KHDRBS2: variants seen among roughly 807,000 people sequenced by gnomAD.
KHDRBS2 encodes KH domain-containing, RNA-binding, signal transduction-associated protein 2.
In KHDRBS2, 26 loss-of-function variants were observed where a neutral mutation model predicts 44.3. That is an observed-to-expected ratio of 0.59 (90% CI 0.43 to 0.81). The LOEUF is 0.81. Ranked by LOEUF, KHDRBS2 falls within the 40% of genes least tolerant of loss-of-function variation. KHDRBS2 has a pLI of 0.00. For missense variants in KHDRBS2, 476 were observed against 433.1 expected (o/e 1.10, Z -0.88); for synonymous variants, 194 against 151.1 (o/e 1.28, Z -2.08).
chr6:62,073,093 TA>T (rs751936121), intron 2 of KHDRBS2, among the ~76,000 whole-genome samples: 9 of 152,050 alleles, frequency 5.9e-5, no homozygotes, highest in African/African-American at 1.2e-4. Flanking sequence ...TCGAGGAATT[TA>T]TCCGGAAAGT....
the KHDRBS2 span, among the ~76,000 whole-genome samples, chr6:61,660,244 G>C: frequency 6.6e-6 from 1 of 151,758 alleles, no homozygotes; most frequent in African/African-American, 2.4e-5. Flanking sequence ...AAAGAGTTTG[G>C]AAAGATGTTA....
intron 2 of KHDRBS2, among the ~76,000 whole-genome samples, chr6:62,129,196 C>A (rs1306649488): frequency 6.6e-6 from 1 of 151,990 alleles, no homozygotes; most frequent in East Asian, 1.9e-4. Context: ...CTTTAAATTT[C>A]CTCTGTTTAC....
chr6:62,065,120 A>G (rs895701726), intron 2 of KHDRBS2, among the ~76,000 whole-genome samples: 3 of 151,620 alleles, frequency 2.0e-5, no homozygotes, highest in Admixed American at 2.0e-4. Context: ...AATCATTAAA[A>G]AGTCAGGAAA....
chr6:61,556,627 C>T, the KHDRBS2 span, among the ~76,000 whole-genome samples: 1 of 151,976 alleles, frequency 6.6e-6, no homozygotes, highest in Non-Finnish European at 1.5e-5. Context: ...ATTCAGCTTA[C>T]AGCATGGTGT....
chr6:62,266,391 T>C (rs1020547623), intron 1 of KHDRBS2, among the ~76,000 whole-genome samples: 1 of 151,968 alleles, frequency 6.6e-6, no homozygotes, highest in African/African-American at 2.4e-5. Context: ...TATTGCCTCC[T>C]AGGAGCTGCT....
chr6:62,149,431 T>C (rs1814623596), intron 2 of KHDRBS2, among the ~76,000 whole-genome samples: 3 of 152,086 alleles, frequency 2.0e-5, no homozygotes, highest in African/African-American at 7.2e-5. Context: ...AACAGCTATC[T>C]TACATGCTAC....
intron 1 of KHDRBS2, among the ~76,000 whole-genome samples, chr6:62,249,216 T>C (rs1289337064): frequency 1.3e-5 from 2 of 152,250 alleles, no homozygotes; most frequent in African/African-American, 2.4e-5. Context: ...GCCATAATTA[T>C]GGATATAGGT....
At chr6:61,599,319 C>A in the KHDRBS2 span, among the ~76,000 whole-genome samples, 9 of 152,080 alleles carry the variant, frequency 5.9e-5, no homozygotes, top group African/African-American at 1.9e-4. Context: ...AAATAGTATT[C>A]TTTCATATAT....
chr6:62,086,577 C>T (rs777354168), intron 2 of KHDRBS2, among the ~76,000 whole-genome samples: 5 of 152,070 alleles, frequency 3.3e-5, no homozygotes, highest in East Asian at 1.9e-4. Flanking sequence ...CATAACAAAA[C>T]GAGGTGACAA....
the KHDRBS2 span, among the ~76,000 whole-genome samples, chr6:61,576,715 A>T: frequency 0.11 from 16,551 of 152,216 alleles, 998 homozygotes; most frequent in East Asian, 0.23. Context: ...ATAAATTTTA[A>T]CTCAAGACTA....
chr6:62,201,342 T>C (rs1360363436), intron 1 of KHDRBS2, among the ~76,000 whole-genome samples: 1 of 152,094 alleles, frequency 6.6e-6, no homozygotes, highest in African/African-American at 2.4e-5. Flanking sequence ...ATGTAATAGA[T>C]GTGGCAGACA....
At chr6:61,679,281 T>A (rs991412960), downstream of KHDRBS2, among the ~76,000 whole-genome samples, 3 of 151,942 alleles carry the variant, frequency 2.0e-5, no homozygotes, top group African/African-American at 7.2e-5. Context: ...GTTGCATTAC[T>A]ATTATTGTTA....
chr6:61,954,655 C>CATATATATGTGTAT lies in KHDRBS2; in HGVS notation c.483+23410_483+23411insATACACATATATAT, dbSNP rs1260434741. Among the ~76,000 whole-genome samples, 146 of 127,190 alleles carry CATATATATGTGTAT rather than the reference C, an allele frequency of 1.1e-3. 16 individuals are homozygous for CATATATATGTGTAT. Among genetic ancestry groups the CATATATATGTGTAT allele is most frequent in the African/African-American group, 4.3e-3 (142 of 33,392 alleles). 83.4% of individuals were successfully genotyped at this position (127,190 alleles called of 152,430 possible). On this transcript the variant is annotated intron_variant, in intron 4 of 8. Transcript: ENST00000281156. ...ATATACACATACATACTTATGTATA[C>CATATATATGTGTAT]ATACATATGTGTATATACACATACA...
intron 6 of KHDRBS2, among the ~76,000 whole-genome samples, chr6:61,817,325 ACTTT>A (rs934897770): frequency 2.0e-5 from 3 of 152,070 alleles, no homozygotes; most frequent in Non-Finnish European, 2.9e-5. Flanking sequence ...ATACATATTA[ACTTT>A]CTTTATTTAG....
intron 2 of KHDRBS2, among the ~76,000 whole-genome samples, chr6:62,116,816 G>C (rs1444794523): frequency 6.6e-6 from 1 of 151,806 alleles, no homozygotes; most frequent in Non-Finnish European, 1.5e-5. Context: ...CCCTATGTCT[G>C]TGAGATCAAT....
At chr6:61,893,691 T>C (rs1401242737) in intron 6 of KHDRBS2, among the ~76,000 whole-genome samples, 4 of 152,126 alleles carry the variant, frequency 2.6e-5, no homozygotes, top group East Asian at 1.9e-4. Context: ...TAGGTGGGAA[T>C]TGAACAATGG....
At chr6:61,880,008 C>A (rs1243804488) in intron 6 of KHDRBS2, among the ~76,000 whole-genome samples, 2 of 151,576 alleles carry the variant, frequency 1.3e-5, no homozygotes, top group African/African-American at 4.8e-5. Context: ...ATATTTGAGA[C>A]AAAGCAAAGA....
intron 1 of KHDRBS2, among the ~76,000 whole-genome samples, chr6:62,177,601 C>T (rs1162734544): frequency 6.6e-6 from 1 of 151,318 alleles, no homozygotes; most frequent in Non-Finnish European, 1.5e-5. Context: ...TATCTTCAAA[C>T]ACAACAAAAA....
chr6:62,025,886 T>C (rs1280971272), intron 3 of KHDRBS2, among the ~76,000 whole-genome samples: 1 of 152,082 alleles, frequency 6.6e-6, no homozygotes, highest in African/African-American at 2.4e-5. Context: ...TTTAATTACA[T>C]CTAAAGGCTC....
Sources: allele counts gnomAD v4.1 joint callset (sites outside exome capture counted in the v4.1 genomes callset), GRCh38; gene constraint gnomAD v4.1.1; transcripts MANE v1.5; gene names NCBI Gene and HGNC (gene_info 2026-07-23, HGNC 2026-07-21).